UGT1A4: variants seen among roughly 807,000 people sequenced by gnomAD.
The protein encoded by UGT1A4 is UDP glucuronosyltransferase family 1 member A4.
A neutral mutation model predicts 41.1 loss-of-function variants in UGT1A4; 32 were observed. The ratio of observed to expected loss-of-function variants is 0.78; its 90% CI spans 0.59 to 1.05. UGT1A4 has a LOEUF of 1.05. UGT1A4 is among the 50% of genes least tolerant of loss of function. UGT1A4 has a pLI of 0.00. For missense variants in UGT1A4, 748 were observed against 677.4 expected, an observed-to-expected ratio of 1.10 and a Z score of -1.16; for synonymous variants, 283 against 265.1, an observed-to-expected ratio of 1.07 and a Z score of -0.66.
intron 1 of UGT1A4, among the ~76,000 whole-genome samples, chr2:233,726,182 C>A (rs2077513267): frequency 6.6e-6 from 1 of 152,136 alleles, no homozygotes; most frequent in Admixed American, 6.6e-5. Flanking sequence ...ATAAAAATTT[C>A]TTTGGCATAT....
rs34358487 is a variant in UGT1A4, at chr2:233,769,432, CAT to C, written c.1307+994_1307+995del. The C allele has an allele frequency of 1.6e-5, 25 of 1,545,990 alleles. No homozygotes were observed. In the East Asian group the frequency reaches 1.8e-4, roughly 11 times the overall value. ...GTGCGTTTGTGCATGTGGCTGTGCT[CAT>C]GTGTGGGTGCACACGTGTGCATTCA... On this transcript the variant is annotated intron_variant, in intron 4 of 4. Coordinates refer to ENST00000373409, the MANE Select transcript of UGT1A4 (RefSeq NM_007120.3). The surrounding 1 kb of genome is among the most constrained non-coding windows in gnomAD (Gnocchi z 4.4).
chr2:233,754,953 C>T (rs1487058909), intron 1 of UGT1A4: 2 of 1,319,926 alleles, frequency 1.5e-6, no homozygotes, highest in South Asian at 1.1e-5. Context: ...TGGGTCCCGG[C>T]CGCCAAAGAA....
chr2:233,743,851 C>T (rs375874968), intron 1 of UGT1A4: 40 of 1,367,126 alleles, frequency 2.9e-5, no homozygotes, highest in African/African-American at 2.2e-4. Flanking sequence ...GCTTGCGGTA[C>T]GCCTTCTTGA....
At chr2:233,720,631 A>G (rs2076876608) in intron 1 of UGT1A4, among the ~76,000 whole-genome samples, 1 of 151,986 alleles carries the variant, frequency 6.6e-6, no homozygotes. Context: ...TCATTGAAAT[A>G]GTACTCTGGG....
chr2:233,757,162 G>C (rs1696424537), intron 1 of UGT1A4, among the ~76,000 whole-genome samples: 1 of 151,472 alleles, frequency 6.6e-6, no homozygotes, highest in African/African-American at 2.4e-5. Context: ...GTCTATCCCA[G>C]AGTTTTGAGA....
chr2:233,743,732 C>G (rs1474165671), intron 1 of UGT1A4: 4 of 1,367,408 alleles, frequency 2.9e-6, no homozygotes, highest in Non-Finnish European at 3.9e-6. Flanking sequence ...ATAGATATCG[C>G]GTTTCTTGGC....
chr2:233,719,572 A>G lies in UGT1A4; in HGVS notation c.752A>G (p.Tyr251Cys). 1 of 1,613,858 alleles carries G rather than the reference A, an allele frequency of 6.2e-7. No individual in the cohort carries two copies. The change falls in exon 1 of 5, where the codon TAT becomes TGT. Residue 251 changes from tyrosine to cysteine, a missense_variant. Physicochemically the swap from Tyr to Cys is radical, Grantham distance 194. Transcript: ENST00000373409. Reference protein sequence around the residue: ...REVSVVDLVSYASVWLFRGDF... With the variant: ...REVSVVDLVSCASVWLFRGDF... ...GTGTCAGTGGTGGATCTTGTCAGCT[A>G]TGCATCCGTGTGGCTGTTCCGAGGG...
At chr2:233,728,762 C>T (rs886147418) in intron 1 of UGT1A4, among the ~76,000 whole-genome samples, 1 of 152,142 alleles carries the variant, frequency 6.6e-6, no homozygotes, top group African/African-American at 2.4e-5. Flanking sequence ...CTCCTCAGAC[C>T]TCAGCTGCTG....
Position 233,772,785 on chromosome 2 carries a change from G to C in UGT1A4, c.*226G>C, listed in dbSNP as rs2126067599. ...GTGCCCCCTCTGGTGTCTTTGATCA[G>C]GATGACATGTGCCATTTTTCAGAGG... is the stretch of plus-strand genomic sequence containing the variant. On this transcript the variant is annotated 3_prime_UTR_variant, in exon 5 of 5. Transcript: ENST00000373409. 1 of 1,262,930 alleles carries C rather than the reference G, an allele frequency of 7.9e-7. No homozygotes were observed. The highest frequency in any genetic ancestry group is 1.0e-6 in the Non-Finnish European group (1 of 955,160). 78.2% of individuals were successfully genotyped at this position (1,262,930 alleles called of 1,614,324 possible).
chr2:233,755,076 T>C (rs28900391), intron 1 of UGT1A4: 18,622 of 1,334,942 alleles, frequency 0.014, 367 homozygotes, highest in South Asian at 0.045. Context: ...ATAGCGGTCA[T>C]AGATATCGCG....
rs1174960322 is a variant in UGT1A4 at position 233,769,336 on chromosome 2, A to G, written c.1307+897A>G. 6.6e-6 allele frequency among the ~76,000 whole-genome samples: 1 copy of G among 152,252 alleles called. No individual in the cohort carries two copies. The highest frequency in any genetic ancestry group is 1.9e-4 in the East Asian group (1 of 5,208). ...AGCTCACTGGTAATAGGCTTATTAG[A>G]ACCTTATGGGAAGAAGTGGTGGCCA... On this transcript the variant is annotated intron_variant, in intron 4 of 4. Transcript: ENST00000373409. The surrounding 1 kb of genome is among the most constrained non-coding windows in gnomAD (Gnocchi z 4.4).
chr2:233,742,187 T>C (rs1222012663), intron 1 of UGT1A4, among the ~76,000 whole-genome samples: 1 of 151,602 alleles, frequency 6.6e-6, no homozygotes, highest in East Asian at 1.9e-4. Context: ...GAGTGTGGAG[T>C]GGGAAATCAG....
At chr2:233,760,983 C>G in intron 1 of UGT1A4, 2 of 1,614,178 alleles carry the variant, frequency 1.2e-6, no homozygotes, top group African/African-American at 1.3e-5. Context: ...CGTATGCAAC[C>G]CTTGCCTCAG....
chr2:233,749,719 G>C (rs1207301331), intron 1 of UGT1A4, among the ~76,000 whole-genome samples: 2 of 151,972 alleles, frequency 1.3e-5, no homozygotes, highest in East Asian at 3.9e-4. Context: ...CATGGGGGCA[G>C]TTTCGCACCT....
At chr2:233,743,161 G>A in intron 1 of UGT1A4, 1 of 361,140 alleles carries the variant, frequency 2.8e-6, no homozygotes, top group South Asian at 2.1e-5. Flanking sequence ...TCCTCCAGAT[G>A]TGCTTAAAGT....
intron 1 of UGT1A4, chr2:233,741,895 C>G (rs1371352009): frequency 6.6e-6 from 1 of 151,808 alleles, no homozygotes; most frequent in Non-Finnish European, 1.5e-5. Flanking sequence ...GAAGAAGGGA[C>G]CCTTTGTGAT....
At chr2:233,753,889 A>G (rs1695337033) in intron 1 of UGT1A4, among the ~76,000 whole-genome samples, 1 of 152,212 alleles carries the variant, frequency 6.6e-6, no homozygotes, top group Non-Finnish European at 1.5e-5. Context: ...AGCCTTCAGA[A>G]GGAACATGCT....
chr2:233,760,659 G>T (rs757137518), intron 1 of UGT1A4: 3 of 1,614,230 alleles, frequency 1.9e-6, no homozygotes, highest in Non-Finnish European at 1.7e-6. Context: ...CTATGCTTTT[G>T]TCTGGCTGTT....
Position 233,738,328 on chromosome 2 carries a change from T to C in UGT1A4, c.867+18641T>C, listed in dbSNP as rs1690764022. 1.3e-5 allele frequency among the ~76,000 whole-genome samples: 2 copies of C among 152,220 alleles called. 1 individual carries two copies. Among genetic ancestry groups the C allele is most frequent in the South Asian group, 4.1e-4 (2 of 4,828 alleles). On this transcript the variant is annotated intron_variant, in intron 1 of 4. Coordinates refer to ENST00000373409, the MANE Select transcript of UGT1A4 (RefSeq NM_007120.3). ...TTATAGCAGTGTGTGAATGGACTAA[T>C]ACAGTAAATTGGTGTCATGGAGAGT...
Sources: allele counts gnomAD v4.1 joint callset (sites outside exome capture counted in the v4.1 genomes callset), GRCh38; gene constraint gnomAD v4.1.1; non-coding constraint Gnocchi (gnomAD v3.1); transcripts MANE v1.5; gene names NCBI Gene and HGNC (gene_info 2026-07-23, HGNC 2026-07-21).